ARRB1: variants seen among roughly 807,000 people sequenced by gnomAD.
The protein encoded by ARRB1 is beta-arrestin-1.
In ARRB1, 21 loss-of-function variants were observed where a neutral mutation model predicts 56.8. The observed-to-expected ratio is 0.37, with a 90% confidence interval of 0.26 to 0.53. The LOEUF is 0.53. ARRB1 is among the 20% of genes least tolerant of loss of function. The pLI is 0.88. For synonymous variants in ARRB1, 210 were observed against 218.6 expected (o/e 0.96, Z 0.35); for missense variants, 424 against 553.7 (o/e 0.77, Z 2.35).
At chr11:75,345,702 CA>C (rs1947757167) in intron 1 of ARRB1, among the ~76,000 whole-genome samples, 1 of 152,208 alleles carries the variant, frequency 6.6e-6, no homozygotes, top group Non-Finnish European at 1.5e-5. Flanking sequence ...CCCTGTCCCT[CA>C]GGACTTCCCA....
intron 1 of ARRB1, among the ~76,000 whole-genome samples, chr11:75,293,216 C>T (rs546696724): frequency 6.6e-6 from 1 of 152,198 alleles, no homozygotes; most frequent in South Asian, 2.1e-4. Context: ...ACCACATTCC[C>T]CAAGAGCATG....
intron 1 of ARRB1, among the ~76,000 whole-genome samples, chr11:75,329,038 AAC>A (rs978380415): frequency 2.0e-5 from 3 of 151,920 alleles, no homozygotes; most frequent in African/African-American, 7.3e-5. Flanking sequence ...CTCAAATGTA[AAC>A]ACACTAGAAA....
intron 4 of ARRB1, 92 bp downstream of exon 4, chr11:75,284,143 C>G (rs796540212): frequency 1.5e-6 from 2 of 1,318,098 alleles, no homozygotes; most frequent in African/African-American, 1.5e-5. Context: ...TTCAGGGGAA[C>G]CAGTGGGGAT....
intron 1 of ARRB1, among the ~76,000 whole-genome samples, chr11:75,305,545 G>A (rs1391108405): frequency 2.0e-5 from 3 of 152,140 alleles, no homozygotes; most frequent in Non-Finnish European, 4.4e-5. Context: ...TTACATCACA[G>A]AAATTGGCAG....
At chr11:75,305,100 G>A (rs555916544) in intron 1 of ARRB1, among the ~76,000 whole-genome samples, 83 of 138,246 alleles carry the variant, frequency 6.0e-4, no homozygotes, top group African/African-American at 2.0e-3. Context: ...ACATGATCTC[G>A]GCTCACTGCA....
At chr11:75,345,013 T>G (rs904349053) in intron 1 of ARRB1, among the ~76,000 whole-genome samples, 5 of 152,170 alleles carry the variant, frequency 3.3e-5, no homozygotes, top group African/African-American at 1.2e-4. Flanking sequence ...GTGCTTCCAG[T>G]GCTGAAGGCC....
intron 4 of ARRB1, 117 bp from the exon 5 acceptor site, chr11:75,283,600 T>C: frequency 1.0e-6 from 1 of 989,666 alleles, no homozygotes; most frequent in Non-Finnish European, 1.4e-6. Context: ...TGTCCCAAGC[T>C]CTGTGGGGAT....
chr11:75,338,525 A>G (rs942185399), intron 1 of ARRB1, among the ~76,000 whole-genome samples: 1 of 152,218 alleles, frequency 6.6e-6, no homozygotes. Flanking sequence ...CCAGAGCCTC[A>G]GTGTACAGAA....
At chr11:75,313,002 G>A (rs184064210) in intron 1 of ARRB1, among the ~76,000 whole-genome samples, 2 of 152,176 alleles carry the variant, frequency 1.3e-5, no homozygotes, top group Non-Finnish European at 2.9e-5. Flanking sequence ...AGACTAATAC[G>A]ACAGACATTC....
rs375823341 is a variant in ARRB1, at chr11:75,335,512, G to T, written c.20+16076C>A. ...AGGAGGAAAGATTGTGTGAGCCCAGGAAGTCAAGGCTATAGTGAGCTATGA... is the reference window on the plus strand; with the variant it reads ...AGGAGGAAAGATTGTGTGAGCCCAGTAAGTCAAGGCTATAGTGAGCTATGA... On this transcript the variant is annotated intron_variant, in intron 1 of 15. Transcript: ENST00000420843. 3.3e-5 allele frequency among the ~76,000 whole-genome samples: 5 copies of T among 152,190 alleles called. No homozygotes were observed. The East Asian group carries it at 7.8e-4, about 24-fold the overall frequency.
intron 3 of ARRB1, among the ~76,000 whole-genome samples, chr11:75,286,500 C>G (rs1304492668): frequency 6.6e-6 from 1 of 151,712 alleles, no homozygotes; most frequent in Non-Finnish European, 1.5e-5. Flanking sequence ...GTCTCAAACT[C>G]CTGACCTTGG....
At chr11:75,312,432 G>A (rs547145112) in intron 1 of ARRB1, among the ~76,000 whole-genome samples, 15 of 152,334 alleles carry the variant, frequency 9.8e-5, no homozygotes, top group Non-Finnish European at 2.2e-4. Context: ...AAGGCCCCAG[G>A]AGAGGAGAAA....
At chr11:75,346,206 C>T (rs1317363676) in intron 1 of ARRB1, among the ~76,000 whole-genome samples, 1 of 152,136 alleles carries the variant, frequency 6.6e-6, no homozygotes, top group Admixed American at 6.5e-5. Context: ...CTCCAGCACC[C>T]AGCTCCGGGG....
chr11:75,299,402 T>C (rs1591943388), intron 1 of ARRB1, among the ~76,000 whole-genome samples: 1 of 151,996 alleles, frequency 6.6e-6, no homozygotes, highest in East Asian at 1.9e-4. Context: ...TGCTTGGATT[T>C]CCCTAACAAG....
intron 1 of ARRB1, among the ~76,000 whole-genome samples, chr11:75,334,302 C>G (rs376131393): frequency 8.8e-3 from 141 of 16,056 alleles, no homozygotes; most frequent in African/African-American, 0.038. Flanking sequence ...GACTCCGTCT[C>G]AAACAAAAAA....
intron 1 of ARRB1, among the ~76,000 whole-genome samples, chr11:75,316,958 C>T (rs781411086): frequency 1.1e-4 from 16 of 151,900 alleles, no homozygotes; most frequent in Non-Finnish European, 1.9e-4. Context: ...CCCAGCTACT[C>T]GGGAGACTGA....
chr11:75,285,159 T>C (rs541911116), intron 3 of ARRB1, among the ~76,000 whole-genome samples: 18 of 152,324 alleles, frequency 1.2e-4, no homozygotes, highest in African/African-American at 2.2e-4. Context: ...ACATGTGGAT[T>C]GGGGGTTGTG....
At position 75,312,855 on chromosome 11, in the gene ARRB1, T is replaced by C. The variant is rs116580074; in HGVS notation, c.21-22816A>G. ...CTGGAAGCCAGCAGAGGCAAGGGAA[T>C]GGATCCCCGCTAGAGTTTCCAGAGG... On this transcript the variant is annotated intron_variant, in intron 1 of 15. Transcript: ENST00000420843. 6.7e-3 allele frequency among the ~76,000 whole-genome samples: 1,024 copies of C among 152,326 alleles called. 15 individuals are homozygous for C. The highest frequency in any genetic ancestry group is 0.024 in the African/African-American group (978 of 41,572).
chr11:75,291,164 C>A (rs1004885872), intron 1 of ARRB1, among the ~76,000 whole-genome samples: 7 of 151,972 alleles, frequency 4.6e-5, no homozygotes, highest in Non-Finnish European at 1.0e-4. Flanking sequence ...TGGTGAAACC[C>A]CATCTCTACT....
Sources: allele counts gnomAD v4.1 joint callset (sites outside exome capture counted in the v4.1 genomes callset), GRCh38; gene constraint gnomAD v4.1.1; transcripts MANE v1.5; gene names NCBI Gene and HGNC (gene_info 2026-07-23, HGNC 2026-07-21).